The following DNAH2 variants were observed in gnomAD, a reference collection of about 807,000 sequenced individuals.
DNAH2 encodes the protein axonemal beta dynein heavy chain 2.
Under a neutral mutation model 523.5 loss-of-function variants are expected in DNAH2, and 323 were observed. The observed-to-expected ratio is 0.62, with a 90% confidence interval of 0.56 to 0.68. The LOEUF (loss-of-function observed/expected upper bound fraction) is 0.68. Among genes scored for constraint, DNAH2 ranks in the 30% least tolerant of loss-of-function variants. The pLI is 0.00. For missense variants in DNAH2, 4,907 were observed against 5,701.5 expected (o/e 0.86, Z 4.49); for synonymous variants, 2,093 against 2,177.4 (o/e 0.96, Z 1.08).
In DNAH2 at chr17:7,832,445, G is replaced by T; in HGVS notation, c.12727-134G>T. 1 of 1,043,018 alleles carries T rather than the reference G, an allele frequency of 9.6e-7. No individual in the cohort carries two copies. The highest frequency in any genetic ancestry group is 2.4e-5 in the East Asian group (1 of 41,042). 64.6% of individuals were successfully genotyped at this position (1,043,018 alleles called of 1,614,324 possible). On this transcript the variant is annotated intron_variant, in intron 82 of 85. Transcript: ENST00000572933. The surrounding 1 kb of genome is among the most constrained non-coding windows in gnomAD (Gnocchi z 4.3). ...GAATAGCTTAACTTGGGAGGTGGAGGTTGCAGTGAGCCAAGATCGTACCAC... is the reference window on the plus strand; with the variant it reads ...GAATAGCTTAACTTGGGAGGTGGAGTTTGCAGTGAGCCAAGATCGTACCAC...
At position 7,764,059 on chromosome 17, in the gene DNAH2, G is replaced by C. The variant is rs377024128; in HGVS notation, c.3179+28G>C. 15 of 1,614,040 alleles carry C rather than the reference G, an allele frequency of 9.3e-6. 1 individual carries two copies. Among genetic ancestry groups the C allele is most frequent in the South Asian group, 6.6e-5 (6 of 91,084 alleles). On this transcript the variant is annotated intron_variant, in intron 19 of 85. Coordinates refer to ENST00000572933, the MANE Select transcript of DNAH2 (RefSeq NM_020877.5). ...GCGGGCTGGGGCGCCCCACAGGAAGGGGGCAGGGGCAGGCACTGGGCCTTC... is the reference window on the plus strand; with the variant it reads ...GCGGGCTGGGGCGCCCCACAGGAAGCGGGCAGGGGCAGGCACTGGGCCTTC...
intron 7 of DNAH2, 62 bp from the exon 8 acceptor site, chr17:7,737,005 A>C: frequency 7.1e-7 from 1 of 1,400,720 alleles, no homozygotes; most frequent in Non-Finnish European, 9.8e-7. Context: ...AAATAAAAGC[A>C]CTTGTGTTGA....
chr17:7,788,260 A>G lies in DNAH2; in HGVS notation c.6900+16A>G. 1 of 1,557,444 alleles carries G rather than the reference A, an allele frequency of 6.4e-7. No individual in the cohort carries two copies. The highest frequency in any genetic ancestry group is 8.7e-7 in the Non-Finnish European group (1 of 1,148,956). On this transcript the variant is annotated intron_variant, in intron 44 of 85. Coordinates refer to ENST00000572933, the MANE Select transcript of DNAH2 (RefSeq NM_020877.5). ...AGAGAATGGGGTAAGGGGAGGACAC[A>G]GACCACGGGCAGGGGCAGGGGGTGC...
In DNAH2 at chr17:7,740,817, A is replaced by G. The variant is rs2075291597; in HGVS notation, c.1514A>G (p.Lys505Arg). Reference protein sequence around the residue: ...FHRLASREAIKRTYDKKAVDL... With the variant: ...FHRLASREAIRRTYDKKAVDL... ...CTTCCTCTTCTTCCCTAGGCTATCA[A>G]GCGGACTTATGACAAGAAGGCGGTG... The change falls in exon 11 of 86, where the codon AAG (lysine) becomes AGG (arginine). Residue 505 changes from lysine (K) to arginine (R), a missense_variant. Lys to Arg is a conservative substitution (Grantham distance 26). This residue lies in a region of DNAH2 where 2,806 missense variants were observed against 3,190.8 expected (regional missense o/e 0.88). Coordinates refer to ENST00000572933, the MANE Select transcript of DNAH2 (RefSeq NM_020877.5). 6.2e-7 allele frequency: 1 copy of G among 1,606,270 alleles called. No homozygotes were observed. Among genetic ancestry groups the G allele is most frequent in the Admixed American group, 1.7e-5 (1 of 59,848 alleles).
At chr17:7,722,020 A>G (rs1035757069) in intron 2 of DNAH2, among the ~76,000 whole-genome samples, 3 of 151,940 alleles carry the variant, frequency 2.0e-5, no homozygotes, top group South Asian at 2.1e-4. Flanking sequence ...TTTTTTGGAG[A>G]CAGAATCTTG....
At chr17:7,829,893 G>A (rs1284077928) in intron 77 of DNAH2, among the ~76,000 whole-genome samples, 3 of 152,006 alleles carry the variant, frequency 2.0e-5, no homozygotes, top group Non-Finnish European at 4.4e-5. Flanking sequence ...GGGCATGGTG[G>A]TGGGCGCCTG....
chr17:7,729,358 C>A (rs1217300640), intron 4 of DNAH2, among the ~76,000 whole-genome samples: 3 of 145,070 alleles, frequency 2.1e-5, no homozygotes, highest in Non-Finnish European at 4.5e-5. Flanking sequence ...CAATCCTGGG[C>A]AACATAGCAA....
chr17:7,744,880 T>C (rs1001065198), intron 12 of DNAH2, among the ~76,000 whole-genome samples: 2 of 152,202 alleles, frequency 1.3e-5, no homozygotes, highest in East Asian at 3.8e-4. Flanking sequence ...ACAGATGCCC[T>C]TGGTGTTTAT....
chr17:7,820,671 G>A (rs1567755587), intron 72 of DNAH2, among the ~76,000 whole-genome samples: 1 of 152,188 alleles, frequency 6.6e-6, no homozygotes, highest in Non-Finnish European at 1.5e-5. Context: ...TGTGTCTTCA[G>A]GACCTAGCAG....
In DNAH2 at chr17:7,807,421, G is replaced by T; in HGVS notation, c.9613-49G>T. 1 of 1,607,930 alleles carries T rather than the reference G, an allele frequency of 6.2e-7. No homozygotes were observed. The highest frequency in any genetic ancestry group is 8.5e-7 in the Non-Finnish European group (1 of 1,177,424). On this transcript the variant is annotated intron_variant, in intron 62 of 85. Coordinates refer to ENST00000572933, the MANE Select transcript of DNAH2 (RefSeq NM_020877.5). This position sits in a 1 kb window ranked among gnomAD's most constrained non-coding sequence, Gnocchi z 5.6. ...AGGAGGGGATGCCTGGAGGTGAGGG[G>T]GTTGGTGGGTTGGTGGGCGACTCCC...
At chr17:7,741,392 C>G (rs1223404297) in intron 11 of DNAH2, among the ~76,000 whole-genome samples, 1 of 145,688 alleles carries the variant, frequency 6.9e-6, no homozygotes, top group East Asian at 2.1e-4. Context: ...GAGTCTCACA[C>G]TGTCGCCCAG....
At chr17:7,727,850 A>C (rs2074872051) in intron 4 of DNAH2, among the ~76,000 whole-genome samples, 1 of 152,024 alleles carries the variant, frequency 6.6e-6, no homozygotes, top group Non-Finnish European at 1.5e-5. Context: ...GATCATGGGC[A>C]AAGCTTTATA....
chr17:7,766,171 C>A (rs979612512), intron 21 of DNAH2, 147 bp from the exon 22 acceptor site: 4 of 784,484 alleles, frequency 5.1e-6, no homozygotes, highest in Non-Finnish European at 7.9e-6. Flanking sequence ...AACCGTTATT[C>A]TTTCAACGCG....
At chr17:7,792,204 G>A (rs1410234506) in intron 45 of DNAH2, 48 bp from the exon 46 acceptor site, 3 of 1,606,392 alleles carry the variant, frequency 1.9e-6, no homozygotes, top group Admixed American at 1.7e-5. Flanking sequence ...CTGGGCTGGA[G>A]AAGGCTCAAG....
At chr17:7,796,786 G>A in intron 50 of DNAH2, 134 bp downstream of exon 50, 2 of 1,049,682 alleles carry the variant, frequency 1.9e-6, no homozygotes, top group Admixed American at 3.0e-5. Flanking sequence ...CACACTCCCT[G>A]GCCTTACCTT....
rs2075032963 is a variant in DNAH2 at position 7,732,974 on chromosome 17, G to A, written c.400-113G>A. 5.0e-6 allele frequency: 5 copies of A among 995,860 alleles called. No individual in the cohort carries two copies. The South Asian group carries it at 8.0e-5, about 16-fold the overall frequency. 61.7% of individuals were successfully genotyped at this position (995,860 alleles called of 1,614,324 possible). ...AAGCACTTCATGGCACTTCCATTTA[G>A]AGAAGGATCAGGATACCCTGAGGGA... is the stretch of plus-strand genomic sequence containing the variant. On this transcript the variant is annotated intron_variant, in intron 4 of 85. Coordinates refer to ENST00000572933, the MANE Select transcript of DNAH2 (RefSeq NM_020877.5).
rs769721555 is a variant in DNAH2, at chr17:7,804,375, C to T, written c.9092C>T (p.Ala3031Val). 1 of 1,614,102 alleles carries T rather than the reference C, an allele frequency of 6.2e-7. No individual in the cohort carries two copies. Among genetic ancestry groups the T allele is most frequent in the Non-Finnish European group, 8.5e-7 (1 of 1,180,026 alleles). ...GTGATGTCGTTGGAGCTGGAGGATG[C>T]CAAGAAGAAGGTGGCTGAGTTCCAG... ...VQVMSLELED[A>V]KKKVAEFQKQ... is the part of the protein sequence containing the mutation. Residue 3031 changes from alanine to valine, a missense_variant, in exon 59 of 86, where the codon GCC becomes GTC. Transcript: ENST00000572933.
In DNAH2 at chr17:7,786,593, A is replaced by G; in HGVS notation, c.6372A>G (p.Ala2124=). 1 of 1,614,014 alleles carries G rather than the reference A, an allele frequency of 6.2e-7. No individual in the cohort carries two copies. The highest frequency in any genetic ancestry group is 8.5e-7 in the Non-Finnish European group (1 of 1,180,002). The change falls in exon 41 of 86, where the codon GCA becomes GCG. Residue 2124 remains alanine, a synonymous_variant. Transcript: ENST00000572933. The surrounding 1 kb of genome is among the most constrained non-coding windows in gnomAD (Gnocchi z 7.5). ...AGGAGTTCCCTTTGAACCCCAAGGC[A>G]TTGTCCCTAGGGGAACTGTATGGGG... ...IVREFPLNPK[A]LSLGELYGEY...
rs371573383 is a variant in DNAH2, at chr17:7,739,789, T to C, written c.1227T>C (p.Leu409=). The C allele has an allele frequency of 5.6e-6, 9 of 1,613,882 alleles. No homozygotes were observed. The highest frequency in any genetic ancestry group is 1.3e-5 in the African/African-American group (1 of 74,910). ...GGGAAGATGGCAAGCAGGGTCCCCTTCCTTGCTTCTTTGGTGCCCAGGGGC... is the reference window on the plus strand; with the variant it reads ...GGGAAGATGGCAAGCAGGGTCCCCTCCCTTGCTTCTTTGGTGCCCAGGGGC... The part of the protein sequence containing the change: ...ARWEDGKQGP[L]PCFFGAQGPQ... Residue 409 remains leucine, a synonymous_variant, in exon 9 of 86, where the codon CTT becomes CTC. Transcript: ENST00000572933.
Sources: gnomAD v4.1 joint callset for allele counts (sites outside exome capture counted in the v4.1 genomes callset) on GRCh38, gnomAD v4.1.1 for gene constraint, gnomAD v4.1.1 regional missense constraint, Gnocchi (gnomAD v3.1) non-coding constraint, MANE v1.5 for transcripts, NCBI Gene and HGNC (gene_info 2026-07-23, HGNC 2026-07-21) for gene names.